Variants in PAK5 observed in about 807,000 individuals in gnomAD.
PAK5 encodes serine/threonine-protein kinase PAK 5.
A neutral mutation model predicts 65.9 loss-of-function variants in PAK5; 16 were observed. That is an observed-to-expected ratio of 0.24 (90% CI 0.16 to 0.37). The LOEUF (loss-of-function observed/expected upper bound fraction) is 0.37, where lower values mean the gene tolerates loss of function less well. Ranked by LOEUF, PAK5 falls within the 10% of genes least tolerant of loss-of-function variation. The probability of loss-of-function intolerance (pLI) is 1.00; values close to 1 mark genes in which losing one functional copy is unlikely to be tolerated. For missense variants in PAK5, 785 were observed against 903.9 expected, an observed-to-expected ratio of 0.87 and a Z score of 1.69; for synonymous variants, 371 against 354.9, an observed-to-expected ratio of 1.05 and a Z score of -0.51.
intron 3 of PAK5, among the ~76,000 whole-genome samples, chr20:9,581,160 A>G (rs1365986449): frequency 6.6e-6 from 1 of 152,226 alleles, no homozygotes; most frequent in East Asian, 1.9e-4. Flanking sequence ...CAACAGAGAC[A>G]TCAAATAACC....
intron 2 of PAK5, among the ~76,000 whole-genome samples, chr20:9,668,745 C>T (rs1480254196): frequency 6.6e-6 from 1 of 152,208 alleles, no homozygotes; most frequent in Non-Finnish European, 1.5e-5. Flanking sequence ...ACTTGACTGA[C>T]ATCATCACCT....
chr20:9,579,356 G>A (rs894620584), intron 4 of PAK5, among the ~76,000 whole-genome samples: 2 of 152,148 alleles, frequency 1.3e-5, no homozygotes, highest in Non-Finnish European at 2.9e-5. Flanking sequence ...ATTCTCAAAG[G>A]TATTTTCCAA....
At chr20:9,752,632 C>T (rs1036412759) in intron 1 of PAK5, among the ~76,000 whole-genome samples, 2 of 152,010 alleles carry the variant, frequency 1.3e-5, no homozygotes, top group African/African-American at 4.8e-5. Context: ...TAAATATGTA[C>T]TTATCAATTT....
At chr20:9,551,490 G>T (rs1278979387) in intron 7 of PAK5, among the ~76,000 whole-genome samples, 2 of 152,132 alleles carry the variant, frequency 1.3e-5, no homozygotes, top group African/African-American at 4.8e-5. Context: ...CAGGAATCAG[G>T]GTTCCCACAA....
chr20:9,715,227 T>G lies in PAK5; in HGVS notation c.-161-3792A>C, dbSNP rs1365739456. On this transcript the variant is annotated intron_variant, in intron 1 of 9. Coordinates refer to ENST00000353224, the MANE Select transcript of PAK5 (RefSeq NM_177990.4). Reference sequence around the variant, plus strand: ...AAAAACAAACAACCCCATCAACAAGTGGGCAAAGGATATGAACAGACACTT... The same window carrying G: ...AAAAACAAACAACCCCATCAACAAGGGGGCAAAGGATATGAACAGACACTT... Among the ~76,000 whole-genome samples, 5 of 152,054 alleles carry G rather than the reference T, an allele frequency of 3.3e-5. No homozygotes were observed. In the East Asian group the frequency reaches 7.7e-4, roughly 23 times the overall value.
chr20:9,738,843 T>C (rs2048420394), intron 1 of PAK5, among the ~76,000 whole-genome samples: 1 of 148,066 alleles, frequency 6.8e-6, no homozygotes. Flanking sequence ...TGTGTGTGTG[T>C]CAGTTACAAT....
chr20:9,741,379 C>T (rs1368271251), intron 1 of PAK5, among the ~76,000 whole-genome samples: 1 of 152,158 alleles, frequency 6.6e-6, no homozygotes, highest in Non-Finnish European at 1.5e-5. Flanking sequence ...CAATCTCACT[C>T]AATTACATTA....
chr20:9,594,991 A>G (rs746993036), intron 3 of PAK5, among the ~76,000 whole-genome samples: 16 of 152,046 alleles, frequency 1.1e-4, no homozygotes, highest in Non-Finnish European at 1.5e-4. Context: ...TGATATATAT[A>G]AACACATATA....
At chr20:9,647,445 C>T (rs2047148817) in intron 2 of PAK5, among the ~76,000 whole-genome samples, 1 of 152,140 alleles carries the variant, frequency 6.6e-6, no homozygotes, top group African/African-American at 2.4e-5. Flanking sequence ...AGTTATTTGG[C>T]CTGTATTCAT....
At chr20:9,601,218 C>T (rs1326654399) in intron 3 of PAK5, among the ~76,000 whole-genome samples, 1 of 152,154 alleles carries the variant, frequency 6.6e-6, no homozygotes, top group Admixed American at 6.6e-5. Flanking sequence ...AAGATATTCA[C>T]ATTGCCTTAA....
chr20:9,723,516 A>G (rs955613131), intron 1 of PAK5, among the ~76,000 whole-genome samples: 11 of 152,136 alleles, frequency 7.2e-5, no homozygotes, highest in African/African-American at 2.7e-4. Context: ...AGTGCTTTTT[A>G]CCAGGTAACA....
At chr20:9,826,666 A>T (rs965509660) in intron 1 of PAK5, among the ~76,000 whole-genome samples, 5 of 152,146 alleles carry the variant, frequency 3.3e-5, no homozygotes, top group African/African-American at 1.2e-4. Flanking sequence ...TCTTGCTGGG[A>T]TCACTCGCTT....
intron 1 of PAK5, among the ~76,000 whole-genome samples, chr20:9,742,100 C>G (rs1341129874): frequency 6.6e-6 from 1 of 152,102 alleles, no homozygotes; most frequent in East Asian, 1.9e-4. Flanking sequence ...CCAACCCTCA[C>G]CACCCAAGGG....
chr20:9,553,158 G>A (rs950831805), intron 7 of PAK5, among the ~76,000 whole-genome samples: 4 of 152,134 alleles, frequency 2.6e-5, no homozygotes, highest in African/African-American at 9.7e-5. Context: ...CTAATTTATA[G>A]AACGTATTCA....
chr20:9,835,622 T>G (rs2049454132), intron 1 of PAK5, among the ~76,000 whole-genome samples: 1 of 152,178 alleles, frequency 6.6e-6, no homozygotes, highest in African/African-American at 2.4e-5. Flanking sequence ...AGGAAGTTAT[T>G]CTAGTGGTCC....
At chr20:9,632,512 C>T (rs2046935386) in intron 3 of PAK5, among the ~76,000 whole-genome samples, 1 of 152,166 alleles carries the variant, frequency 6.6e-6, no homozygotes, top group Non-Finnish European at 1.5e-5. Flanking sequence ...GCAAAGGGCT[C>T]TGAGTACTCT....
At chr20:9,766,931 A>C (rs771331228) in intron 1 of PAK5, among the ~76,000 whole-genome samples, 26 of 151,770 alleles carry the variant, frequency 1.7e-4, no homozygotes, top group Non-Finnish European at 2.9e-4. Context: ...TAAGAGAGAG[A>C]AGAGACAAGA....
At chr20:9,760,660 T>C (rs1448850321) in intron 1 of PAK5, among the ~76,000 whole-genome samples, 3 of 100,746 alleles carry the variant, frequency 3.0e-5, no homozygotes, top group African/African-American at 1.2e-4. Flanking sequence ...ATTTATCTTT[T>C]TTCTTTTCTT....
At chr20:9,678,208 T>A (rs1397382223) in intron 2 of PAK5, among the ~76,000 whole-genome samples, 1 of 152,242 alleles carries the variant, frequency 6.6e-6, no homozygotes, top group Admixed American at 6.5e-5. Context: ...ATTGTGCCCT[T>A]CGAGAATGTA....
Sources: gnomAD v4.1 joint callset for allele counts (sites outside exome capture counted in the v4.1 genomes callset) on GRCh38, gnomAD v4.1.1 for gene constraint, MANE v1.5 for transcripts, NCBI Gene and HGNC (gene_info 2026-07-23, HGNC 2026-07-21) for gene names.